Variants in MRC2 observed in about 807,000 individuals in gnomAD.
MRC2 encodes mannose receptor C-type 2.
In MRC2, 84 loss-of-function variants were observed where a neutral mutation model predicts 206.2. That is an observed-to-expected ratio of 0.41 (90% CI 0.34 to 0.49). The LOEUF (loss-of-function observed/expected upper bound fraction) is 0.49. Among genes scored for constraint, MRC2 ranks in the 20% least tolerant of loss-of-function variants. The pLI, the probability that MRC2 is intolerant of heterozygous loss-of-function variation, is 0.31. For synonymous variants in MRC2, 798 were observed against 800.0 expected, an observed-to-expected ratio of 1.00 and a Z score of 0.04; for missense variants, 1,676 against 2,001.5, an observed-to-expected ratio of 0.84 and a Z score of 3.10.
At chr17:62,661,860 G>C (rs890896383) in intron 1 of MRC2, 1 of 152,068 alleles carries the variant, frequency 6.6e-6, no homozygotes, top group Non-Finnish European at 1.5e-5. Context: ...TGGGAAAAAA[G>C]TTCTTATGCT....
At chr17:62,689,043 T>A in intron 23 of MRC2, 83 bp downstream of exon 23, 1 of 1,113,394 alleles carries the variant, frequency 9.0e-7, no homozygotes, top group Non-Finnish European at 1.3e-6. Flanking sequence ...GAGGAAGGAA[T>A]CATGGTCCCT....
At position 62,666,366 on chromosome 17, in the gene MRC2, C is replaced by A; in HGVS notation, c.695-89C>A. 1 of 1,595,072 alleles carries A rather than the reference C, an allele frequency of 6.3e-7. No individual in the cohort carries two copies. Among genetic ancestry groups the A allele is most frequent in the Admixed American group, 1.7e-5 (1 of 58,616 alleles). Reference sequence around the variant, plus strand: ...CCAGGGTGAGATACTGCCCCCTCCCCTACCTAGTGTAGCCTTTTGGTGGGG... The same window carrying A: ...CCAGGGTGAGATACTGCCCCCTCCCATACCTAGTGTAGCCTTTTGGTGGGG... On this transcript the variant is annotated intron_variant, in intron 3 of 29. Transcript: ENST00000303375. This position sits in a 1 kb window ranked among gnomAD's most constrained non-coding sequence, Gnocchi z 5.0.
chr17:62,686,411 C>T (rs2089032785), intron 20 of MRC2, among the ~76,000 whole-genome samples: 2 of 151,892 alleles, frequency 1.3e-5, no homozygotes, highest in Admixed American at 1.3e-4. Context: ...TGAGATTGCG[C>T]CATTGCACTC....
Position 62,666,863 on chromosome 17 carries a change from G to C in MRC2, c.966G>C (p.Trp322Cys), listed in dbSNP as rs1464960252. ...SDNSPLKYLN[W>C]ESDQPDNPSE... ...ACTCGCCCCTCAAGTACCTCAACTG[G>C]GAGAGTGGTGAGGCACAAGGTTGGG... Residue 322 changes from tryptophan to cysteine, a missense_variant, in exon 5 of 30, where the codon TGG becomes TGC. Trp to Cys is a radical substitution (Grantham distance 215). Transcript: ENST00000303375. The surrounding 1 kb of genome is among the most constrained non-coding windows in gnomAD (Gnocchi z 5.0). 6.2e-7 allele frequency: 1 copy of C among 1,613,506 alleles called. No individual in the cohort carries two copies. The highest frequency in any genetic ancestry group is 1.7e-5 in the Admixed American group (1 of 59,974).
At chr17:62,630,495 A>C (rs2084207591) in intron 1 of MRC2, among the ~76,000 whole-genome samples, 1 of 152,158 alleles carries the variant, frequency 6.6e-6, no homozygotes, top group African/African-American at 2.4e-5. Context: ...GGAAGGGGCC[A>C]CCAGGCTGGG....
chr17:62,637,547 A>G (rs1448014754), intron 1 of MRC2, among the ~76,000 whole-genome samples: 1 of 151,456 alleles, frequency 6.6e-6, no homozygotes, highest in Admixed American at 6.6e-5. Context: ...AAAAAAAAAA[A>G]AAAGAAAAGA....
chr17:62,638,507 A>G (rs1258775513), intron 1 of MRC2, among the ~76,000 whole-genome samples: 2 of 152,138 alleles, frequency 1.3e-5, no homozygotes, highest in African/African-American at 2.4e-5. Context: ...TGGGAGGCCA[A>G]GGTGGGCGGA....
chr17:62,653,519 T>G (rs1167455758), intron 1 of MRC2, among the ~76,000 whole-genome samples: 1 of 152,132 alleles, frequency 6.6e-6, no homozygotes, highest in Non-Finnish European at 1.5e-5. Flanking sequence ...TTTAATGTCT[T>G]CCTAGAACAC....
rs773749078 is a variant in MRC2 at position 62,682,347 on chromosome 17, C to T, written c.2916C>T (p.Cys972=). Residue 972 remains cysteine (C), a synonymous_variant, in exon 20 of 30, where the codon TGC becomes TGT. Transcript: ENST00000303375. ...PDLPTTALGG[C]PSDWIQFLNK... is the part of the protein sequence containing the mutation. ...TGCCAACTACAGCCCTGGGGGGCTG[C>T]CCCTCTGACTGGATCCAGTTCCTCA... 6.2e-7 allele frequency: 1 copy of T among 1,607,144 alleles called. No individual in the cohort carries two copies. Among genetic ancestry groups the T allele is most frequent in the South Asian group, 1.1e-5 (1 of 89,732 alleles).
rs559653201 is a variant in MRC2 at position 62,678,657 on chromosome 17, G to A, written c.2195+11G>A. Reference sequence around the variant, plus strand: ...CAACAAGATCTTCGGGTACTGAGCCGGGCTGAGGCGTGTTAGGAGGGCACC... The same window carrying A: ...CAACAAGATCTTCGGGTACTGAGCCAGGCTGAGGCGTGTTAGGAGGGCACC... On this transcript the variant is annotated intron_variant, in intron 13 of 29. Transcript: ENST00000303375. 509 of 1,607,174 alleles carry A rather than the reference G, an allele frequency of 3.2e-4. 3 individuals are homozygous for A. In the South Asian group the frequency reaches 5.1e-3, roughly 16 times the overall value.
Position 62,671,886 on chromosome 17 carries a change from C to T in MRC2, c.1306+49C>T, listed in dbSNP as rs562197786. On this transcript the variant is annotated intron_variant, in intron 7 of 29. Transcript: ENST00000303375. The surrounding 1 kb of genome is among the most constrained non-coding windows in gnomAD (Gnocchi z 4.5). ...TCTGGGTGGAGGGCAGGGCCTCCCA[C>T]TGCCCCACCCATCCTGTCCAGGAGC... 4.0e-5 allele frequency: 64 copies of T among 1,587,682 alleles called. 1 individual carries two copies. In the South Asian group the frequency reaches 7.2e-4, roughly 18 times the overall value.
intron 12 of MRC2, 90 bp from the exon 13 acceptor site, chr17:62,678,414 C>T (rs2088920128): frequency 6.6e-7 from 1 of 1,526,420 alleles, no homozygotes; most frequent in African/African-American, 1.4e-5. Flanking sequence ...GCTCCAGGCC[C>T]CTCCTCTGCC....
At chr17:62,662,002 C>T (rs1461103744) in intron 1 of MRC2, among the ~76,000 whole-genome samples, 1 of 152,018 alleles carries the variant, frequency 6.6e-6, no homozygotes, top group African/African-American at 2.4e-5. Flanking sequence ...AATCCTAGCA[C>T]TTTGGGAGTC....
In MRC2 at chr17:62,678,488, G is replaced by C; in HGVS notation, c.2053-16G>C. 6.2e-7 allele frequency: 1 copy of C among 1,611,206 alleles called. No individual in the cohort carries two copies. On this transcript the variant is annotated splice_polypyrimidine_tract_variant and intron_variant, in intron 12 of 29. Transcript: ENST00000303375. The stretch of plus-strand genomic sequence containing the variant: ...CCAGTGGGGACAGCTTAGACAGCTG[G>C]ACTCTGCCCCTGCAGGTGTTCAGCT...
At chr17:62,662,453 T>A (rs1568059200) in intron 1 of MRC2, among the ~76,000 whole-genome samples, 1 of 152,164 alleles carries the variant, frequency 6.6e-6, no homozygotes. Flanking sequence ...ACCAATAACA[T>A]AGCATAATGC....
At chr17:62,691,245 A>G in intron 28 of MRC2, 117 bp downstream of exon 28, 2 of 1,222,814 alleles carry the variant, frequency 1.6e-6, no homozygotes, top group Non-Finnish European at 2.2e-6. Flanking sequence ...AGGCCTGAAC[A>G]GAACGGACTG....
At chr17:62,644,828 G>T (rs1421501647) in intron 1 of MRC2, among the ~76,000 whole-genome samples, 1 of 152,004 alleles carries the variant, frequency 6.6e-6, no homozygotes, top group African/African-American at 2.4e-5. Context: ...AGATTCTGCG[G>T]GAGAGACTCT....
chr17:62,655,950 C>A (rs924298057), intron 1 of MRC2, among the ~76,000 whole-genome samples: 4 of 152,016 alleles, frequency 2.6e-5, no homozygotes, highest in Non-Finnish European at 5.9e-5. Context: ...AATGCAGTGG[C>A]GTGATTATAG....
intron 1 of MRC2, among the ~76,000 whole-genome samples, chr17:62,658,771 C>T (rs147963249): frequency 1.3e-3 from 192 of 152,192 alleles, no homozygotes; most frequent in African/African-American, 4.4e-3. Flanking sequence ...TTTCCTTTTC[C>T]GGCCCCAGGC....
Sources: allele counts gnomAD v4.1 joint callset (sites outside exome capture counted in the v4.1 genomes callset), GRCh38; gene constraint gnomAD v4.1.1; non-coding constraint Gnocchi (gnomAD v3.1); transcripts MANE v1.5; gene names NCBI Gene and HGNC (gene_info 2026-07-23, HGNC 2026-07-21).